CDYL2: variants seen among roughly 807,000 people sequenced by gnomAD.
The protein encoded by CDYL2 is chromodomain Y-like protein 2.
A neutral mutation model predicts 49.4 loss-of-function variants in CDYL2; 23 were observed. The ratio of observed to expected loss-of-function variants is 0.47; its 90% confidence interval spans 0.34 to 0.66. The LOEUF (loss-of-function observed/expected upper bound fraction) is 0.66. Among genes scored for constraint, CDYL2 ranks in the 30% least tolerant of loss-of-function variants. CDYL2 has a pLI of 0.01. For missense variants in CDYL2, 678 were observed against 656.4 expected (o/e 1.03, Z -0.36); for synonymous variants, 360 against 268.8 (o/e 1.34, Z -3.32).
At chr16:80,680,522 T>C (rs1032696461) in intron 2 of CDYL2, among the ~76,000 whole-genome samples, 4 of 152,064 alleles carry the variant, frequency 2.6e-5, no homozygotes, top group African/African-American at 9.7e-5. Flanking sequence ...TTTAGACGAG[T>C]GCTAAGCAGT....
intron 1 of CDYL2, among the ~76,000 whole-genome samples, chr16:80,764,858 A>G (rs1906661195): frequency 6.6e-6 from 1 of 151,944 alleles, no homozygotes; most frequent in African/African-American, 2.4e-5. Flanking sequence ...CAGGAGATCA[A>G]GACCATTCTG....
chr16:80,786,026 G>A (rs1033537802), intron 1 of CDYL2, among the ~76,000 whole-genome samples: 1 of 152,122 alleles, frequency 6.6e-6, no homozygotes, highest in Non-Finnish European at 1.5e-5. Flanking sequence ...GAAAACCTGG[G>A]CAATACCATT....
At chr16:80,664,043 T>C (rs202177032) in intron 2 of CDYL2, among the ~76,000 whole-genome samples, 1 of 41,116 alleles carries the variant, frequency 2.4e-5, no homozygotes, top group Non-Finnish European at 3.7e-5. Context: ...TATGCCAGGA[T>C]CCTGGTATGT....
At position 80,737,071 on chromosome 16, in the gene CDYL2, C is replaced by T. The variant is rs562405436; in HGVS notation, c.25-51942G>A. Among the ~76,000 whole-genome samples, 5 of 152,272 alleles carry T rather than the reference C, an allele frequency of 3.3e-5. No individual in the cohort carries two copies. In the East Asian group the frequency reaches 9.7e-4, roughly 29 times the overall value. ...ACAAGGAAAGAGAATTTGCTTCATG[C>T]CCCCTTTGCAGGCAGATCAGTTTCA... is the stretch of plus-strand genomic sequence containing the variant. On this transcript the variant is annotated intron_variant, in intron 1 of 6. Coordinates refer to ENST00000570137, the MANE Select transcript of CDYL2 (RefSeq NM_152342.4).
At chr16:80,709,561 G>GACACACACACACACACACACAC (rs10673992) in intron 1 of CDYL2, among the ~76,000 whole-genome samples, 1 of 143,656 alleles carries the variant, frequency 7.0e-6, no homozygotes, top group Non-Finnish European at 1.5e-5. Flanking sequence ...GGAATAAACA[G>GACACACACACACACACACACAC]ACACACACAC....
Position 80,658,097 on chromosome 16 carries a change from CT to C in CDYL2, c.617-24862del, listed in dbSNP as rs1037016329. 5.4e-5 allele frequency among the ~76,000 whole-genome samples: 8 copies of C among 148,542 alleles called. No homozygotes were observed. The East Asian group carries it at 5.9e-4, about 11-fold the overall frequency. On this transcript the variant is annotated intron_variant, in intron 2 of 6. Coordinates refer to ENST00000570137, the MANE Select transcript of CDYL2 (RefSeq NM_152342.4). ...AAGATGGGAAAATAACATAAATTTG[CT>C]TTTTTTTCCAAAAAAAAAAAAATCA...
chr16:80,644,232 TC>T (rs776172240), intron 2 of CDYL2, among the ~76,000 whole-genome samples: 73 of 152,206 alleles, frequency 4.8e-4, no homozygotes, highest in Non-Finnish European at 7.2e-4. Context: ...TTGCTCCAGT[TC>T]CCAACAAATT....
At chr16:80,792,648 T>C (rs1597136164) in intron 1 of CDYL2, among the ~76,000 whole-genome samples, 1 of 151,942 alleles carries the variant, frequency 6.6e-6, no homozygotes, top group African/African-American at 2.4e-5. Context: ...CACCTACCAG[T>C]AAAGGGCAAG....
chr16:80,772,761 A>G (rs1906949853), intron 1 of CDYL2, among the ~76,000 whole-genome samples: 1 of 152,172 alleles, frequency 6.6e-6, no homozygotes, highest in Admixed American at 6.6e-5. Flanking sequence ...CAAAATGCCA[A>G]TTAAAATTAG....
intron 1 of CDYL2, among the ~76,000 whole-genome samples, chr16:80,724,273 A>G (rs1163730425): frequency 6.7e-6 from 1 of 150,266 alleles, no homozygotes; most frequent in Non-Finnish European, 1.5e-5. Flanking sequence ...GAAGAGGAGG[A>G]GGAGAAAGGA....
At chr16:80,742,578 G>C (rs753209671) in intron 1 of CDYL2, among the ~76,000 whole-genome samples, 1 of 151,798 alleles carries the variant, frequency 6.6e-6, no homozygotes, top group Admixed American at 6.6e-5. Flanking sequence ...ATATATAAAT[G>C]GGTGAGTGGG....
chr16:80,610,476 C>T (rs7404848), intron 5 of CDYL2, among the ~76,000 whole-genome samples: 56,362 of 152,032 alleles, frequency 0.37, 13,157 homozygotes, highest in African/African-American at 0.67. Context: ...CAATGGACTG[C>T]TCTCTTTTGA....
intron 2 of CDYL2, among the ~76,000 whole-genome samples, chr16:80,634,804 A>T (rs926920265): frequency 1.3e-5 from 2 of 152,222 alleles, no homozygotes; most frequent in African/African-American, 4.8e-5. Flanking sequence ...GCTATAAAAA[A>T]AAGAAATTGA....
At chr16:80,655,113 GGGCCA>G (rs1291323063) in intron 2 of CDYL2, among the ~76,000 whole-genome samples, 8 of 152,312 alleles carry the variant, frequency 5.3e-5, no homozygotes, top group Non-Finnish European at 1.0e-4. Context: ...ATCCCTGCTG[GGGCCA>G]GGCCAGGCCT....
chr16:80,757,557 T>A (rs1451447584), intron 1 of CDYL2, among the ~76,000 whole-genome samples: 1 of 147,850 alleles, frequency 6.8e-6, no homozygotes, highest in Middle Eastern at 3.6e-3. Context: ...AAAAAAAATA[T>A]ATATATATAT....
chr16:80,766,759 A>C (rs16953976), intron 1 of CDYL2, among the ~76,000 whole-genome samples: 17,985 of 152,258 alleles, frequency 0.12, 1,237 homozygotes, highest in South Asian at 0.22. Context: ...AGCTGCCTCT[A>C]CAAAAAGAAA....
intron 1 of CDYL2, among the ~76,000 whole-genome samples, chr16:80,798,462 G>A (rs975768792): frequency 5.3e-5 from 8 of 152,054 alleles, no homozygotes; most frequent in African/African-American, 1.7e-4. Flanking sequence ...CCATGAAGAT[G>A]GAAGACTTTT....
At chr16:80,671,977 T>C (rs1047712389) in intron 2 of CDYL2, among the ~76,000 whole-genome samples, 2 of 152,358 alleles carry the variant, frequency 1.3e-5, no homozygotes. Flanking sequence ...GGGTATACCT[T>C]ATCCAAAATG....
At position 80,695,202 on chromosome 16, in the gene CDYL2, C is replaced by T. The variant is rs147308695; in HGVS notation, c.25-10073G>A. 6.6e-5 allele frequency among the ~76,000 whole-genome samples: 10 copies of T among 152,330 alleles called. No homozygotes were observed. The East Asian group carries it at 1.7e-3, about 26-fold the overall frequency. Reference sequence around the variant, plus strand: ...TATGTAATATCTGTGGCTGCTTTCACAATACAACAGTAGAAATGAGTTGTT... The same window carrying T: ...TATGTAATATCTGTGGCTGCTTTCATAATACAACAGTAGAAATGAGTTGTT... On this transcript the variant is annotated intron_variant, in intron 1 of 6. Coordinates refer to ENST00000570137, the MANE Select transcript of CDYL2 (RefSeq NM_152342.4).
Sources: allele counts gnomAD v4.1 joint callset (sites outside exome capture counted in the v4.1 genomes callset), GRCh38; gene constraint gnomAD v4.1.1; transcripts MANE v1.5; gene names NCBI Gene and HGNC (gene_info 2026-07-23, HGNC 2026-07-21).